Variants in CFAP97 observed in about 807,000 individuals in gnomAD.
CFAP97 encodes the protein cilia- and flagella-associated protein 97.
A neutral mutation model predicts 43.1 loss-of-function variants in CFAP97; 36 were observed. The ratio of observed to expected loss-of-function variants is 0.84; its 90% CI spans 0.64 to 1.10. The LOEUF is 1.10. Among genes scored for constraint, CFAP97 ranks in the 50% least tolerant of loss-of-function variants. CFAP97 has a pLI of 0.00. For synonymous variants in CFAP97, 228 were observed against 225.7 expected, an observed-to-expected ratio of 1.01 and a Z score of -0.09; for missense variants, 657 against 620.3, an observed-to-expected ratio of 1.06 and a Z score of -0.63.
intron 1 of CFAP97, among the ~76,000 whole-genome samples, chr4:185,194,392 G>A (rs1001601575): frequency 5.9e-5 from 9 of 152,202 alleles, no homozygotes; most frequent in Non-Finnish European, 8.8e-5. Flanking sequence ...GGGAGGCTGA[G>A]GCAGGAGGAT....
chr4:185,165,076 A>G (rs1248046979), intron 3 of CFAP97, among the ~76,000 whole-genome samples: 6 of 152,226 alleles, frequency 3.9e-5, no homozygotes, highest in Admixed American at 3.9e-4. Flanking sequence ...AAGATTCTGC[A>G]TAACATTTAA....
intron 2 of CFAP97, among the ~76,000 whole-genome samples, chr4:185,184,918 T>TG (rs1735950732): frequency 6.6e-6 from 1 of 152,190 alleles, no homozygotes; most frequent in African/African-American, 2.4e-5. Flanking sequence ...TAGGATACAG[T>TG]GGGGTTTATA....
At chr4:185,172,850 C>CAAAAAA (rs1159858914) in intron 3 of CFAP97, among the ~76,000 whole-genome samples, 3 of 52,738 alleles carry the variant, frequency 5.7e-5, no homozygotes, top group Admixed American at 2.0e-4. Context: ...CCCATCTCTA[C>CAAAAAA]AAAAAAAAAA....
At chr4:185,172,046 AAT>A (rs1735326615) in intron 3 of CFAP97, among the ~76,000 whole-genome samples, 1 of 152,196 alleles carries the variant, frequency 6.6e-6, no homozygotes, top group African/African-American at 2.4e-5. Context: ...GGCTAAAAAT[AAT>A]ATTTCAGAAT....
At chr4:185,164,364 A>G (rs764795576) in intron 3 of CFAP97, among the ~76,000 whole-genome samples, 185 bp from the exon 4 acceptor site, 12 of 152,228 alleles carry the variant, frequency 7.9e-5, no homozygotes, top group Non-Finnish European at 1.3e-4. Flanking sequence ...CAGCCTCTCA[A>G]GTAGCTGGTA....
intron 3 of CFAP97, among the ~76,000 whole-genome samples, chr4:185,165,939 G>A (rs1471519988): frequency 7.1e-6 from 1 of 141,774 alleles, no homozygotes; most frequent in East Asian, 1.9e-4. Flanking sequence ...AGAAAAGGGA[G>A]AGGAGGAGGT....
At chr4:185,188,175 G>A (rs779421366) in intron 2 of CFAP97, among the ~76,000 whole-genome samples, 21 of 152,044 alleles carry the variant, frequency 1.4e-4, no homozygotes, top group Non-Finnish European at 2.6e-4. Context: ...GACTACAGGC[G>A]TGAGCACCGT....
At chr4:185,178,121 A>G (rs1447764138) in intron 2 of CFAP97, among the ~76,000 whole-genome samples, 1 of 152,012 alleles carries the variant, frequency 6.6e-6, no homozygotes, top group Non-Finnish European at 1.5e-5. Flanking sequence ...AAACATGTGA[A>G]ATTATCTTGC....
At position 185,190,946 on chromosome 4, in the gene CFAP97, T is replaced by C; in HGVS notation, c.251A>G (p.Asp84Gly). The C allele has an allele frequency of 6.2e-7, 1 of 1,613,886 alleles. No homozygotes were observed. The highest frequency in any genetic ancestry group is 1.1e-5 in the South Asian group (1 of 91,058). The change falls in exon 2 of 5, where the codon GAT (aspartate) becomes GGT (glycine). Residue 84 changes from aspartate to glycine, a missense_variant. Asp to Gly is a moderately conservative substitution (Grantham distance 94). Coordinates refer to ENST00000458385, the MANE Select transcript of CFAP97 (RefSeq NM_020827.3). Reference protein sequence around the residue: ...KFPPEHPVENDVTQTVSSFSL... With the variant: ...KFPPEHPVENGVTQTVSSFSL... ...GAAAGAACTTACAGTTTGTGTAACA[T>C]CATTCTCTACGGGGTGTTCTGGGGG... is the stretch of plus-strand genomic sequence containing the variant.
chr4:185,176,299 G>C (rs898026801), intron 2 of CFAP97, among the ~76,000 whole-genome samples: 1 of 151,994 alleles, frequency 6.6e-6, no homozygotes, highest in Non-Finnish European at 1.5e-5. Context: ...TTTTAGTAGG[G>C]ACAGGGTTTC....
In CFAP97 at chr4:185,161,877, TAA is replaced by T. The variant is rs1332234059; in HGVS notation, c.*919_*920del. 1 of 152,232 alleles carries T rather than the reference TAA, an allele frequency of 6.6e-6. No individual in the cohort carries two copies. The highest frequency in any genetic ancestry group is 6.5e-5 in the Admixed American group (1 of 15,276). The allele number at this position is 152,232 out of a possible 1,614,324, so 9.4% of individuals were successfully genotyped here. ...TTTCTAAAGCATTTCTTTCTTACGC[TAA>T]GTCTTCTCTAATAACATAATAAATA... On this transcript the variant is annotated 3_prime_UTR_variant, in exon 5 of 5. Transcript: ENST00000458385.
intron 3 of CFAP97, among the ~76,000 whole-genome samples, chr4:185,165,387 G>T (rs1292390677): frequency 6.6e-6 from 1 of 152,126 alleles, no homozygotes; most frequent in Non-Finnish European, 1.5e-5. Flanking sequence ...TTACAATTCA[G>T]TAACAGAGAC....
At position 185,175,961 on chromosome 4, in the gene CFAP97, T is replaced by C; in HGVS notation, c.1145A>G (p.Glu382Gly). ...APGKNYSFTR[E>G]EVRQIDRENQ... Reference sequence around the variant, plus strand: ...TTCCCGATCGATCTGTCTCACCTCTTCTCTTGTGAAAGAGTAGTTTTTCCC... The same window carrying C: ...TTCCCGATCGATCTGTCTCACCTCTCCTCTTGTGAAAGAGTAGTTTTTCCC... Residue 382 changes from glutamate (E) to glycine (G), a missense_variant, in exon 3 of 5, where the codon GAA (glutamate) becomes GGA (glycine). Glu to Gly is a moderately conservative substitution (Grantham distance 98). Transcript: ENST00000458385. 1 of 1,613,940 alleles carries C rather than the reference T, an allele frequency of 6.2e-7. No individual in the cohort carries two copies.
chr4:185,199,065 C>T (rs1188762121), intron 1 of CFAP97, among the ~76,000 whole-genome samples: 1 of 152,074 alleles, frequency 6.6e-6, no homozygotes, highest in Non-Finnish European at 1.5e-5. Flanking sequence ...TGCTCATTTA[C>T]CATTTCAAAA....
At position 185,162,635 on chromosome 4, in the gene CFAP97, T is replaced by C; in HGVS notation, c.*163A>G. ...GAAACACTTTTTACATTAAATCGTT[T>C]TTTGACAATAATTTTGCACTGAATA... On this transcript the variant is annotated 3_prime_UTR_variant, in exon 5 of 5. Transcript: ENST00000458385. 5.5e-6 allele frequency: 4 copies of C among 723,646 alleles called. No individual in the cohort carries two copies. In the South Asian group the frequency reaches 7.7e-5, roughly 14 times the overall value. 44.8% of individuals were successfully genotyped at this position (723,646 alleles called of 1,614,324 possible). A position where few individuals can be genotyped will look rare whatever the true frequency, so the allele number is the denominator to read the frequency against.
intron 3 of CFAP97, among the ~76,000 whole-genome samples, chr4:185,175,030 C>T (rs1461824905): frequency 6.6e-6 from 1 of 152,036 alleles, no homozygotes; most frequent in African/African-American, 2.4e-5. Flanking sequence ...AGCAATTTGG[C>T]CTATTCGAGA....
rs1266542017 is a variant in CFAP97 at position 185,161,545 on chromosome 4, A to C, written c.*1253T>G. ...CATACTGAAAAGGCTAGTAGTGAAA[A>C]ACGGCGGTAACAATGAGATAACATA... is the stretch of plus-strand genomic sequence containing the variant. On this transcript the variant is annotated 3_prime_UTR_variant, in exon 5 of 5. Coordinates refer to ENST00000458385, the MANE Select transcript of CFAP97 (RefSeq NM_020827.3). 6.6e-6 allele frequency: 1 copy of C among 152,176 alleles called. No individual in the cohort carries two copies. Among genetic ancestry groups the C allele is most frequent in the Non-Finnish European group, 1.5e-5 (1 of 68,022 alleles). The allele number at this position is 152,176 out of a possible 1,614,324, so 9.4% of individuals were successfully genotyped here.
chr4:185,192,588 C>A (rs114555003), intron 1 of CFAP97, among the ~76,000 whole-genome samples: 4,088 of 150,248 alleles, frequency 0.027, 73 homozygotes, highest in Middle Eastern at 0.071. Flanking sequence ...AAATTAGAAA[C>A]ATCACTATAA....
chr4:185,163,015 T>C, intron 4 of CFAP97, 90 bp from the exon 5 acceptor site: 1 of 1,193,484 alleles, frequency 8.4e-7, no homozygotes, highest in South Asian at 1.8e-5. Flanking sequence ...GTGTGTCTAA[T>C]AGTCTAATGC....
Sources: gnomAD v4.1 joint callset for allele counts (sites outside exome capture counted in the v4.1 genomes callset) on GRCh38, gnomAD v4.1.1 for gene constraint, MANE v1.5 for transcripts, NCBI Gene and HGNC (gene_info 2026-07-23, HGNC 2026-07-21) for gene names.